The following DEPDC4 variants were observed in gnomAD, a reference collection of about 807,000 sequenced individuals.
The protein encoded by DEPDC4 is DEP domain containing 4.
A neutral mutation model predicts 52.0 loss-of-function variants in DEPDC4; 52 were observed. That is an observed-to-expected ratio of 1.00 (90% CI 0.80 to 1.26). The LOEUF (loss-of-function observed/expected upper bound fraction) is 1.26, where lower values mean the gene tolerates loss of function less well. DEPDC4 is among the 50% of genes most tolerant of loss of function. DEPDC4 has a pLI of 0.00. For synonymous variants in DEPDC4, 201 were observed against 196.8 expected (o/e 1.02, Z -0.18); for missense variants, 530 against 546.9 (o/e 0.97, Z 0.31).
chr12:100,263,895 T>C lies in DEPDC4; in HGVS notation c.158-2A>G. The C allele has an allele frequency of 1.9e-6, 3 of 1,577,798 alleles. No individual in the cohort carries two copies. The highest frequency in any genetic ancestry group is 2.6e-6 in the Non-Finnish European group (3 of 1,164,092). On this transcript the variant is annotated splice_acceptor_variant, in intron 1 of 9. Coordinates refer to ENST00000550587, the MANE Select transcript of DEPDC4 (RefSeq NM_001364818.2). LOFTEE classifies it high-confidence loss of function. Reference sequence around the variant, plus strand: ...TAGCTTGAAAAGGACCAGAGCATCCTGAAAAAAATTAAATATGCATTTCTA... The same window carrying C: ...TAGCTTGAAAAGGACCAGAGCATCCCGAAAAAAATTAAATATGCATTTCTA...
Position 100,259,081 on chromosome 12 carries a change from A to AAATATATAT in DEPDC4, c.701-2856_701-2855insATATATATT, listed in dbSNP as rs543577636. Among the ~76,000 whole-genome samples the AAATATATAT allele has an allele frequency of 3.5e-3, 528 of 149,148 alleles. 3 individuals carry two copies. Among genetic ancestry groups the AAATATATAT allele is most frequent in the African/African-American group, 0.013 (506 of 39,876 alleles). ...GCAAAAATCTGTCTCAAAAAAAAAA[A>AAATATATAT]ATATATATATATATCCCATGTACCC... On this transcript the variant is annotated intron_variant, in intron 3 of 9. Coordinates refer to ENST00000550587, the MANE Select transcript of DEPDC4 (RefSeq NM_001364818.2).
chr12:100,267,246 G>C, upstream of DEPDC4: 1 of 668,074 alleles, frequency 1.5e-6, no homozygotes, highest in Non-Finnish European at 2.4e-6. Flanking sequence ...TTCTAGCTCC[G>C]ACGTTTGCGG....
chr12:100,256,284 C>A (rs1592893607), intron 3 of DEPDC4, 58 bp from the exon 4 acceptor site: 2 of 1,270,186 alleles, frequency 1.6e-6, no homozygotes, highest in South Asian at 1.5e-5. Context: ...ACACATTCAA[C>A]CAATATTATA....
chr12:100,269,530 A>G (rs1363047376), upstream of DEPDC4, among the ~76,000 whole-genome samples: 2 of 152,120 alleles, frequency 1.3e-5, no homozygotes, highest in African/African-American at 4.8e-5. Context: ...AATTCATTTA[A>G]TGCTTACTGA....
At chr12:100,269,781 A>G (rs2096285310), upstream of DEPDC4, among the ~76,000 whole-genome samples, 1 of 152,170 alleles carries the variant, frequency 6.6e-6, no homozygotes, top group African/African-American at 2.4e-5. Context: ...GTTCATCAGA[A>G]TCACTTACGG....
In DEPDC4 at chr12:100,263,912, G is replaced by A. The variant is rs2153924845; in HGVS notation, c.158-19C>T. On this transcript the variant is annotated intron_variant, in intron 1 of 9. Coordinates refer to ENST00000550587, the MANE Select transcript of DEPDC4 (RefSeq NM_001364818.2). Reference sequence around the variant, plus strand: ...GAGCATCCTGAAAAAAATTAAATATGCATTTCTAACAAATCTAGATTATAC... The same window carrying A: ...GAGCATCCTGAAAAAAATTAAATATACATTTCTAACAAATCTAGATTATAC... 6.3e-7 allele frequency: 1 copy of A among 1,577,266 alleles called. No individual in the cohort carries two copies. Among genetic ancestry groups the A allele is most frequent in the Non-Finnish European group, 8.6e-7 (1 of 1,162,576 alleles).
upstream of DEPDC4, among the ~76,000 whole-genome samples, chr12:100,270,708 C>T (rs572255360): frequency 2.4e-4 from 36 of 151,026 alleles, no homozygotes; most frequent in African/African-American, 8.8e-4. Flanking sequence ...CTCCTGAGCT[C>T]AAGTGATCCT....
intron 8 of DEPDC4, among the ~76,000 whole-genome samples, chr12:100,245,234 C>T (rs868611758): frequency 6.6e-6 from 1 of 152,106 alleles, no homozygotes; most frequent in South Asian, 2.1e-4. Context: ...CGGTGGTAGT[C>T]ACCCCACCTG....
chr12:100,261,608 A>G (rs1044816705), intron 3 of DEPDC4: 2 of 421,262 alleles, frequency 4.7e-6, no homozygotes, highest in African/African-American at 4.1e-5. Flanking sequence ...CAGGACAAAT[A>G]CTAAGGACTG....
At chr12:100,276,129 G>T in the DEPDC4 span, among the ~76,000 whole-genome samples, 2 of 152,162 alleles carry the variant, frequency 1.3e-5, no homozygotes, top group African/African-American at 4.8e-5. Context: ...TTGGTTTGAT[G>T]TCAAGGTAAT....
In DEPDC4 at chr12:100,263,531, T is replaced by C. The variant is rs2096261178; in HGVS notation, c.520A>G (p.Lys174Glu). The C allele has an allele frequency of 3.1e-6, 5 of 1,602,732 alleles. No individual in the cohort carries two copies. Among genetic ancestry groups the C allele is most frequent in the Non-Finnish European group, 2.6e-6 (3 of 1,175,416 alleles). ...TCATTGAACTCATTCTCAGCATCCT[T>C]TTGTCTTTTGCAACAATCGTAAGAT... Reference protein sequence around the residue: ...KSSYDCCKRQKDAENEFNETL... With the variant: ...KSSYDCCKRQEDAENEFNETL... The change falls in exon 2 of 10, where the codon AAG (lysine) becomes GAG (glutamate). Residue 174 changes from lysine (K) to glutamate (E), a missense_variant. By Grantham distance (56) the Lys-to-Glu change is moderately conservative. Transcript: ENST00000550587.
chr12:100,272,637 C>T, the DEPDC4 span, among the ~76,000 whole-genome samples: 1 of 152,090 alleles, frequency 6.6e-6, no homozygotes, highest in African/African-American at 2.4e-5. Context: ...GAGTTCTTCC[C>T]CTATAAAACA....
chr12:100,241,686 G>A lies in DEPDC4; in HGVS notation c.*206C>T. 8.0e-7 allele frequency: 1 copy of A among 1,249,442 alleles called. No homozygotes were observed. Among genetic ancestry groups the A allele is most frequent in the African/African-American group, 1.6e-5 (1 of 63,736 alleles). 77.4% of individuals were successfully genotyped at this position (1,249,442 alleles called of 1,614,324 possible). ...TCAGAAATGTTAATTCAAAGCTTCT[G>A]GATGGTGTTTTTGAAATTCCTTAAT... On this transcript the variant is annotated 3_prime_UTR_variant, in exon 10 of 10. Transcript: ENST00000550587.
chr12:100,261,689 T>A (rs2096254155), intron 3 of DEPDC4: 1 of 456,580 alleles, frequency 2.2e-6, no homozygotes, highest in African/African-American at 2.0e-5. Flanking sequence ...ACAGTCATTG[T>A]AAAAAATGAA....
the DEPDC4 span, among the ~76,000 whole-genome samples, chr12:100,281,433 G>T: frequency 1.3e-5 from 2 of 152,130 alleles, no homozygotes; most frequent in Non-Finnish European, 2.9e-5. Flanking sequence ...ATTTATGCCT[G>T]TAATCACAGC....
At chr12:100,254,928 G>A (rs536696433) in intron 4 of DEPDC4, among the ~76,000 whole-genome samples, 2 of 152,228 alleles carry the variant, frequency 1.3e-5, no homozygotes, top group African/African-American at 4.8e-5. Flanking sequence ...GTCTCACTAT[G>A]TTGCCCATGC....
rs1329692859 is a variant in DEPDC4, at chr12:100,265,578, G to GA, written c.157+1341dup. 8.6e-5 allele frequency among the ~76,000 whole-genome samples: 13 copies of GA among 151,276 alleles called. No homozygotes were observed. The South Asian group carries it at 1.9e-3, about 22-fold the overall frequency. ...CCATTGCACTCCAGCCTGGGCAAGGGAAAAAAAACAGTCTATTACCTGAAA... is the reference window on the plus strand; with the variant it reads ...CCATTGCACTCCAGCCTGGGCAAGGGAAAAAAAAACAGTCTATTACCTGAAA... On this transcript the variant is annotated intron_variant, in intron 1 of 9. Coordinates refer to ENST00000550587, the MANE Select transcript of DEPDC4 (RefSeq NM_001364818.2).
At chr12:100,248,557 T>C (rs1046062550) in intron 8 of DEPDC4, among the ~76,000 whole-genome samples, 1 of 151,672 alleles carries the variant, frequency 6.6e-6, no homozygotes, top group African/African-American at 2.4e-5. Context: ...GGAGAGAGGA[T>C]GAAAAACAAG....
intron 3 of DEPDC4, among the ~76,000 whole-genome samples, 200 bp from the exon 4 acceptor site, chr12:100,256,426 T>C (rs1272705474): frequency 6.6e-6 from 1 of 152,140 alleles, no homozygotes; most frequent in East Asian, 1.9e-4. Flanking sequence ...ATCAGAGTTA[T>C]GAGCCATATT....
Sources: allele counts gnomAD v4.1 joint callset (sites outside exome capture counted in the v4.1 genomes callset), GRCh38; gene constraint gnomAD v4.1.1; transcripts MANE v1.5; gene names NCBI Gene and HGNC (gene_info 2026-07-23, HGNC 2026-07-21).